MAOA: variants seen among roughly 807,000 people sequenced by gnomAD.
MAOA encodes monoamine oxidase A, also known as amine oxidase [flavin-containing] A.
A neutral mutation model predicts 42.0 loss-of-function variants in MAOA; 6 were observed. The ratio of observed to expected loss-of-function variants is 0.14; its 90% CI spans 0.08 to 0.28. The LOEUF (loss-of-function observed/expected upper bound fraction) is 0.28. Ranked by LOEUF, MAOA falls within the 10% of genes least tolerant of loss-of-function variation. The probability of loss-of-function intolerance (pLI) is 1.00; values close to 1 mark genes in which losing one functional copy is unlikely to be tolerated. For missense variants in MAOA, 262 were observed against 422.3 expected (o/e 0.62, Z 3.33); for synonymous variants, 140 against 154.0 (o/e 0.91, Z 0.67).
chrX:43,686,912 T>G (rs886989880), intron 2 of MAOA, among the ~76,000 whole-genome samples: 1 of 112,174 alleles, frequency 8.9e-6, no homozygotes, highest in Non-Finnish European at 1.9e-5. Context: ...AGGATAATTT[T>G]GGGAGGAGAT....
chrX:43,684,039 C>A (rs886658410), intron 2 of MAOA, among the ~76,000 whole-genome samples: 5 of 110,351 alleles, frequency 4.5e-5, no homozygotes, highest in African/African-American at 1.7e-4. Flanking sequence ...TGGCAAAAAC[C>A]CAAAAAACCA....
intron 3 of MAOA, 29 bp from the exon 4 acceptor site, chrX:43,711,843 G>T (rs1175921329): frequency 1.9e-6 from 2 of 1,067,524 alleles, no homozygotes; most frequent in Non-Finnish European, 2.6e-6. Flanking sequence ...TACTCTTTTT[G>T]ATTGATTCTG....
chrX:43,730,194 CAAAAAAAA>C (rs1219771036), intron 6 of MAOA, among the ~76,000 whole-genome samples: 1 of 38,127 alleles, frequency 2.6e-5, no homozygotes, highest in Non-Finnish European at 4.9e-5. Context: ...AACTCCGTCT[CAAAAAAAA>C]AAAAAAAAAA....
chrX:43,741,080 C>T (rs769545547), intron 11 of MAOA, among the ~76,000 whole-genome samples: 4 of 111,425 alleles, frequency 3.6e-5, no homozygotes, highest in African/African-American at 9.8e-5. Flanking sequence ...TTACCTGCTG[C>T]ACAATTAAAT....
At chrX:43,705,609 C>G (rs1455660997) in intron 3 of MAOA, among the ~76,000 whole-genome samples, 1 of 111,864 alleles carries the variant, frequency 8.9e-6, no homozygotes, top group African/African-American at 3.2e-5. Context: ...ATAAATTGGT[C>G]TTCATCAAAA....
At chrX:43,744,248 G>T in intron 14 of MAOA, 77 bp downstream of exon 14, 2 of 1,125,413 alleles carry the variant, frequency 1.8e-6, no homozygotes, top group Non-Finnish European at 2.4e-6. Context: ...CCTTCTTCTA[G>T]CCTCCGATTT....
intron 3 of MAOA, among the ~76,000 whole-genome samples, chrX:43,699,440 G>T (rs2033605491): frequency 9.2e-6 from 1 of 108,781 alleles, no homozygotes; most frequent in African/African-American, 3.4e-5. Flanking sequence ...AACCCAGCCA[G>T]AAATGGAGCA....
chrX:43,700,963 A>G (rs1342244666), intron 3 of MAOA, among the ~76,000 whole-genome samples: 1 of 111,933 alleles, frequency 8.9e-6, no homozygotes, highest in Non-Finnish European at 1.9e-5. Flanking sequence ...TGTGCTCATG[A>G]TAAGAAATTC....
rs772388775 is a variant in MAOA, at chrX:43,736,396, T to A, written c.1106+116T>A. The A allele has an allele frequency of 3.1e-5, 15 of 479,277 alleles. No homozygotes were observed. The South Asian group carries it at 3.7e-4, about 12-fold the overall frequency. 39.5% of individuals were successfully genotyped at this position (479,277 alleles called of 1,213,427 possible). On this transcript the variant is annotated intron_variant, in intron 10 of 14. Coordinates refer to ENST00000338702, the MANE Select transcript of MAOA (RefSeq NM_000240.4). Reference sequence around the variant, plus strand: ...CAGTACTTCACAAATATTCTCAAAATTCCAACAAACCAACCTTTTGTATTT... The same window carrying A: ...CAGTACTTCACAAATATTCTCAAAAATCCAACAAACCAACCTTTTGTATTT...
chrX:43,658,536 T>C (rs1198843945), intron 1 of MAOA, among the ~76,000 whole-genome samples: 1 of 111,931 alleles, frequency 8.9e-6, no homozygotes, highest in Non-Finnish European at 1.9e-5. Context: ...TATATATAAG[T>C]TGTAGGTCCC....
chrX:43,727,800 C>T (rs1208887296), intron 5 of MAOA, among the ~76,000 whole-genome samples: 3 of 112,271 alleles, frequency 2.7e-5, no homozygotes, highest in Admixed American at 1.9e-4. Flanking sequence ...TGCCCTGCTT[C>T]GGCTTGCCCT....
At chrX:43,728,944 T>A (rs1325574106) in intron 6 of MAOA, among the ~76,000 whole-genome samples, 1 of 113,337 alleles carries the variant, frequency 8.8e-6, no homozygotes, top group Non-Finnish European at 1.9e-5. Flanking sequence ...ACTCTGAGAT[T>A]CTCTGCTTCA....
At chrX:43,697,929 T>C (rs2033593775) in intron 3 of MAOA, among the ~76,000 whole-genome samples, 1 of 112,399 alleles carries the variant, frequency 8.9e-6, no homozygotes, top group Admixed American at 9.4e-5. Context: ...TTTTAAAATA[T>C]CTTAACTCTC....
At chrX:43,722,813 G>A (rs1435746623) in intron 5 of MAOA, among the ~76,000 whole-genome samples, 2 of 111,826 alleles carry the variant, frequency 1.8e-5, no homozygotes, top group Non-Finnish European at 3.8e-5. Context: ...GGTTTTTATG[G>A]TTTTAAGTTA....
chrX:43,672,175 A>T (rs1469328520), intron 1 of MAOA, among the ~76,000 whole-genome samples: 1 of 111,130 alleles, frequency 9.0e-6, no homozygotes, highest in East Asian at 2.8e-4. Context: ...TGTAAGTTGG[A>T]TTCATAGGTA....
intron 3 of MAOA, among the ~76,000 whole-genome samples, chrX:43,701,386 A>C (rs999007352): frequency 8.9e-6 from 1 of 111,980 alleles, no homozygotes; most frequent in African/African-American, 3.2e-5. Context: ...ATAGCAAAAT[A>C]AGTTAATTAT....
chrX:43,676,253 G>A (rs964070470), intron 1 of MAOA, among the ~76,000 whole-genome samples: 3 of 112,143 alleles, frequency 2.7e-5, no homozygotes, highest in Non-Finnish European at 5.6e-5. Flanking sequence ...TGAGCCAGGT[G>A]CGGGATTTAA....
chrX:43,688,441 C>T (rs949185122), intron 2 of MAOA, among the ~76,000 whole-genome samples: 1 of 111,840 alleles, frequency 8.9e-6, no homozygotes, highest in East Asian at 2.8e-4. Flanking sequence ...CCACCATGCC[C>T]GGCTCATTTT....
At chrX:43,735,837 C>G (rs2033916286) in intron 9 of MAOA, among the ~76,000 whole-genome samples, 1 of 112,566 alleles carries the variant, frequency 8.9e-6, no homozygotes, top group Non-Finnish European at 1.9e-5. Context: ...CCCACCGTGG[C>G]CTCCACTACA....
Sources: allele counts gnomAD v4.1 joint callset (sites outside exome capture counted in the v4.1 genomes callset), GRCh38; gene constraint gnomAD v4.1.1; transcripts MANE v1.5; gene names NCBI Gene and HGNC (gene_info 2026-07-23, HGNC 2026-07-21).